The following KIRREL3 variants were observed in gnomAD, a reference collection of about 807,000 sequenced individuals.
KIRREL3 encodes kirre like nephrin family adhesion molecule 3.
KIRREL3 carries 36 observed loss-of-function variants against 89.7 expected under a neutral mutation model. The observed-to-expected ratio is 0.40, with a 90% CI of 0.31 to 0.53. KIRREL3 has a LOEUF of 0.53. KIRREL3 is among the 20% of genes least tolerant of loss of function. KIRREL3 has a pLI of 0.49. For missense variants in KIRREL3, 864 were observed against 1,056.6 expected (o/e 0.82, Z 2.53); for synonymous variants, 445 against 441.4 (o/e 1.01, Z -0.10).
chr11:126,510,164 A>G (rs1958169873), intron 4 of KIRREL3, among the ~76,000 whole-genome samples: 1 of 152,130 alleles, frequency 6.6e-6, no homozygotes, highest in African/African-American at 2.4e-5. Context: ...GGAAAGGAAC[A>G]TCCTTAAATG....
At chr11:126,681,609 G>GACACACACACAC (rs56325662) in intron 1 of KIRREL3, among the ~76,000 whole-genome samples, 5,633 of 150,332 alleles carry the variant, frequency 0.037, 146 homozygotes, top group African/African-American at 0.067. Context: ...TGTATATACA[G>GACACACACACAC]ACACACACAC....
At chr11:126,509,869 C>T (rs558692070) in intron 4 of KIRREL3, among the ~76,000 whole-genome samples, 1 of 151,914 alleles carries the variant, frequency 6.6e-6, no homozygotes, top group South Asian at 2.1e-4. Flanking sequence ...TGGTGGTGCA[C>T]ATCTGTAATC....
intron 1 of KIRREL3, among the ~76,000 whole-genome samples, chr11:126,738,783 C>G (rs967621929): frequency 6.6e-6 from 1 of 152,206 alleles, no homozygotes; most frequent in Non-Finnish European, 1.5e-5. Context: ...GCTGCATTAG[C>G]AGGCAGCTAC....
chr11:126,437,966 G>A (rs1042866537), intron 11 of KIRREL3, among the ~76,000 whole-genome samples: 17 of 152,114 alleles, frequency 1.1e-4, no homozygotes, highest in Non-Finnish European at 1.5e-5. Context: ...CATGACACAT[G>A]TACACGGTAA....
At position 126,587,291 on chromosome 11, in the gene KIRREL3, G is replaced by C. The variant is rs1189471378; in HGVS notation, c.56-24379C>G. Among the ~76,000 whole-genome samples the C allele has an allele frequency of 6.6e-6, 1 of 152,184 alleles. No homozygotes were observed. Among genetic ancestry groups the C allele is most frequent in the East Asian group, 1.9e-4 (1 of 5,188 alleles). ...GGCTGTGGAGGCAGCGTGTGCAAAG[G>C]CTGGGAGGTCAGAAAGAACACACTC... is the stretch of plus-strand genomic sequence containing the variant. On this transcript the variant is annotated intron_variant, in intron 1 of 16. Coordinates refer to ENST00000525144, the MANE Select transcript of KIRREL3 (RefSeq NM_032531.4). This position sits in a 1 kb window ranked among gnomAD's most constrained non-coding sequence, Gnocchi z 5.2.
intron 4 of KIRREL3, among the ~76,000 whole-genome samples, chr11:126,506,774 A>G (rs1249954014): frequency 7.5e-6 from 1 of 133,940 alleles, no homozygotes; most frequent in Non-Finnish European, 1.6e-5. Flanking sequence ...GTTCATAGCA[A>G]CAATTTTTTT....
In KIRREL3 at chr11:126,907,029, A is replaced by G. The variant is rs576337524; in HGVS notation, c.55+93426T>C. Reference sequence around the variant, plus strand: ...TTGTACAAGGACACTGCTCTCATGCATGTCAACCCATTCCTCATGGGGCCC... The same window carrying G: ...TTGTACAAGGACACTGCTCTCATGCGTGTCAACCCATTCCTCATGGGGCCC... On this transcript the variant is annotated intron_variant, in intron 1 of 16. Coordinates refer to ENST00000525144, the MANE Select transcript of KIRREL3 (RefSeq NM_032531.4). Among the ~76,000 whole-genome samples, 9 of 152,348 alleles carry G rather than the reference A, an allele frequency of 5.9e-5. 2 individuals carry two copies. In the East Asian group the frequency reaches 1.7e-3, roughly 29 times the overall value.
intron 1 of KIRREL3, among the ~76,000 whole-genome samples, chr11:126,857,570 C>T (rs1393294645): frequency 6.6e-6 from 1 of 152,098 alleles, no homozygotes; most frequent in Non-Finnish European, 1.5e-5. Flanking sequence ...GGAGCATCTG[C>T]CTAGGAATCC....
Position 126,879,792 on chromosome 11 carries a change from G to C in KIRREL3, c.55+120663C>G, listed in dbSNP as rs1364701468. On this transcript the variant is annotated intron_variant, in intron 1 of 16. Transcript: ENST00000525144. This position sits in a 1 kb window ranked among gnomAD's most constrained non-coding sequence, Gnocchi z 5.4. ...GAGGAATGGTAAAGGACATCTCAAGGAGCTCAACTGGTCTTATGACCCTGA... is the reference window on the plus strand; with the variant it reads ...GAGGAATGGTAAAGGACATCTCAAGCAGCTCAACTGGTCTTATGACCCTGA... Among the ~76,000 whole-genome samples, 1 of 152,130 alleles carries C rather than the reference G, an allele frequency of 6.6e-6. No individual in the cohort carries two copies. Among genetic ancestry groups the C allele is most frequent in the Non-Finnish European group, 1.5e-5 (1 of 68,042 alleles).
intron 1 of KIRREL3, among the ~76,000 whole-genome samples, chr11:126,886,253 C>G (rs574163892): frequency 6.6e-6 from 1 of 152,290 alleles, no homozygotes; most frequent in South Asian, 2.1e-4. Context: ...CTAAGTATAG[C>G]TCCCTGCATG....
At chr11:126,920,943 G>T (rs1431312622) in intron 1 of KIRREL3, among the ~76,000 whole-genome samples, 2 of 152,196 alleles carry the variant, frequency 1.3e-5, no homozygotes, top group African/African-American at 2.4e-5. Context: ...TGAATTATGC[G>T]ATACCCAGAT....
At position 126,802,861 on chromosome 11, in the gene KIRREL3, A is replaced by G. The variant is rs997248812; in HGVS notation, c.55+197594T>C. Among the ~76,000 whole-genome samples the G allele has an allele frequency of 3.3e-5, 5 of 152,292 alleles. No individual in the cohort carries two copies. The highest frequency in any genetic ancestry group is 4.1e-4 in the South Asian group (2 of 4,822). Reference sequence around the variant, plus strand: ...CCATAGGAACTTAACTCTTGTTTATATCAATTAGCCTGTGGGAAAATTGGC... The same window carrying G: ...CCATAGGAACTTAACTCTTGTTTATGTCAATTAGCCTGTGGGAAAATTGGC... On this transcript the variant is annotated intron_variant, in intron 1 of 16. Transcript: ENST00000525144. The surrounding 1 kb of genome is among the most constrained non-coding windows in gnomAD (Gnocchi z 5.2).
rs1391138533 is a variant in KIRREL3, at chr11:126,990,191, G to A, written c.55+10264C>T. 6.6e-6 allele frequency among the ~76,000 whole-genome samples: 1 copy of A among 152,134 alleles called. No individual in the cohort carries two copies. The highest frequency in any genetic ancestry group is 6.5e-5 in the Admixed American group (1 of 15,280). On this transcript the variant is annotated intron_variant, in intron 1 of 16. Transcript: ENST00000525144. This position sits in a 1 kb window ranked among gnomAD's most constrained non-coding sequence, Gnocchi z 6.3. ...CATACAGGAGAGAAACATCATCCCT[G>A]TGGCAGGGAAACCCGTGTGGTGGGC...
At chr11:126,469,472 G>A (rs1956822822) in intron 5 of KIRREL3, among the ~76,000 whole-genome samples, 1 of 152,154 alleles carries the variant, frequency 6.6e-6, no homozygotes, top group Admixed American at 6.5e-5. Flanking sequence ...GGGTCCCTGG[G>A]AGGGGAAGCA....
chr11:126,488,034 A>ATGGGGC (rs1217438027), intron 4 of KIRREL3, among the ~76,000 whole-genome samples: 1 of 152,208 alleles, frequency 6.6e-6, no homozygotes, highest in Non-Finnish European at 1.5e-5. Flanking sequence ...TTGAGGTGGG[A>ATGGGGC]TGGGGCTGGT....
Position 126,491,024 on chromosome 11 carries a change from G to A in KIRREL3, c.434-17558C>T, listed in dbSNP as rs1025878811. Among the ~76,000 whole-genome samples the A allele has an allele frequency of 6.6e-6, 1 of 152,184 alleles. No individual in the cohort carries two copies. The highest frequency in any genetic ancestry group is 2.4e-5 in the African/African-American group (1 of 41,442). On this transcript the variant is annotated intron_variant, in intron 4 of 16. Transcript: ENST00000525144. The surrounding 1 kb of genome is among the most constrained non-coding windows in gnomAD (Gnocchi z 5.5). ...TCTTTGGAGAATGGGGCAGGGCTCT[G>A]TCTGGATTTTGGGTCCATCCCGTAG...
chr11:126,839,245 A>C (rs568273021), intron 1 of KIRREL3, among the ~76,000 whole-genome samples: 11 of 152,210 alleles, frequency 7.2e-5, no homozygotes, highest in Non-Finnish European at 1.3e-4. Flanking sequence ...TGGGTGCAGC[A>C]ATACTGGGGT....
chr11:126,762,208 T>C (rs558576052), intron 1 of KIRREL3, among the ~76,000 whole-genome samples: 18 of 151,456 alleles, frequency 1.2e-4, no homozygotes, highest in Admixed American at 5.3e-4. Context: ...AACAAACAAA[T>C]AAATAAAGTC....
chr11:126,544,599 A>G lies in KIRREL3; in HGVS notation c.134-17912T>C. On this transcript the variant is annotated intron_variant, in intron 2 of 16. Coordinates refer to ENST00000525144, the MANE Select transcript of KIRREL3 (RefSeq NM_032531.4). This position sits in a 1 kb window ranked among gnomAD's most constrained non-coding sequence, Gnocchi z 5.6. ...GGGTCTTTGGCTGAGAGTCTGCAGC[A>G]GGAACCCAGAGTCGGTGTCCTGGGG... 6.6e-6 allele frequency among the ~76,000 whole-genome samples: 1 copy of G among 152,194 alleles called. No individual in the cohort carries two copies. The highest frequency in any genetic ancestry group is 1.9e-4 in the East Asian group (1 of 5,192).
Sources: allele counts gnomAD v4.1 joint callset (sites outside exome capture counted in the v4.1 genomes callset), GRCh38; gene constraint gnomAD v4.1.1; non-coding constraint Gnocchi (gnomAD v3.1); transcripts MANE v1.5; gene names NCBI Gene and HGNC (gene_info 2026-07-23, HGNC 2026-07-21).